OSBPL10: variants seen among roughly 807,000 people sequenced by gnomAD.
OSBPL10 encodes oxysterol-binding protein-related protein 10.
A neutral mutation model predicts 81.7 loss-of-function variants in OSBPL10; 49 were observed. The observed-to-expected ratio is 0.60, with a 90% confidence interval of 0.48 to 0.76. The LOEUF (loss-of-function observed/expected upper bound fraction) is 0.76, where lower values mean the gene tolerates loss of function less well. Among genes scored for constraint, OSBPL10 ranks in the 30% least tolerant of loss-of-function variants. OSBPL10 has a pLI of 0.00. For missense variants in OSBPL10, 923 were observed against 987.8 expected (o/e 0.93, Z 0.88); for synonymous variants, 419 against 383.6 (o/e 1.09, Z -1.08).
intron 1 of OSBPL10, among the ~76,000 whole-genome samples, chr3:31,904,252 G>A (rs1002685446): frequency 1.4e-4 from 21 of 152,114 alleles, no homozygotes; most frequent in African/African-American, 4.8e-4. Context: ...CTCCCAGACT[G>A]GCAGGAAACC....
At chr3:31,792,188 C>T (rs1329166992) in intron 4 of OSBPL10, among the ~76,000 whole-genome samples, 1 of 150,854 alleles carries the variant, frequency 6.6e-6, no homozygotes, top group Non-Finnish European at 1.5e-5. Context: ...GTAATCACAC[C>T]ACTGCACTCC....
chr3:32,055,103 A>G (rs1007040388), intron 1 of OSBPL10, among the ~76,000 whole-genome samples: 1 of 152,020 alleles, frequency 6.6e-6, no homozygotes, highest in Non-Finnish European at 1.5e-5. Context: ...AGAAGACTGA[A>G]ATAATCCTTT....
chr3:31,860,853 T>G lies in OSBPL10; in HGVS notation c.537+15580A>C, dbSNP rs201581664. Among the ~76,000 whole-genome samples the G allele has an allele frequency of 3.7e-3, 513 of 138,324 alleles. 5 individuals are homozygous for G. Among genetic ancestry groups the G allele is most frequent in the South Asian group, 0.021 (97 of 4,522 alleles). 90.7% of individuals were successfully genotyped at this position (138,324 alleles called of 152,430 possible). A position where few individuals can be genotyped will look rare whatever the true frequency, so the allele number is the denominator to read the frequency against. On this transcript the variant is annotated intron_variant, in intron 3 of 11. Transcript: ENST00000396556. ...CCTGGCTAATTTTTGTGGGGTTTTT[T>G]GGGGTTTTTTTTTTTGGGTTTTTTT...
intron 1 of OSBPL10, among the ~76,000 whole-genome samples, chr3:32,071,308 C>G (rs541772142): frequency 3.0e-4 from 45 of 152,310 alleles, no homozygotes; most frequent in African/African-American, 1.0e-3. Context: ...CCTTTGGATA[C>G]CTGGTTTTGC....
chr3:32,075,621 C>A (rs1200914406), intron 1 of OSBPL10, among the ~76,000 whole-genome samples: 1 of 152,162 alleles, frequency 6.6e-6, no homozygotes, highest in African/African-American at 2.4e-5. Flanking sequence ...TGAATCTTTC[C>A]CACTGTAGGT....
At chr3:31,740,194 C>T (rs574031821) in intron 5 of OSBPL10, among the ~76,000 whole-genome samples, 1 of 152,226 alleles carries the variant, frequency 6.6e-6, no homozygotes, top group South Asian at 2.1e-4. Context: ...CAGGTGCCCA[C>T]CACCATGCCC....
At chr3:31,949,667 C>CAAAAAAAAAAAAAAAAAAAAAAAAAAAAA (rs56002214) in intron 1 of OSBPL10, among the ~76,000 whole-genome samples, 1 of 26,230 alleles carries the variant, frequency 3.8e-5, no homozygotes, top group African/African-American at 1.7e-4. Context: ...GACTCTGTCT[C>CAAAAAAAAAAAAAAAAAAAAAAAAAAAAA]AAAAAAAAAA....
chr3:31,906,130 A>C, intron 1 of OSBPL10, among the ~76,000 whole-genome samples: 1 of 152,326 alleles, frequency 6.6e-6, no homozygotes, highest in Non-Finnish European at 1.5e-5. Context: ...AAGAACAAAC[A>C]AAGCAATCTA....
intron 1 of OSBPL10, among the ~76,000 whole-genome samples, chr3:31,905,895 GAAA>G: frequency 6.9e-6 from 1 of 144,468 alleles, no homozygotes; most frequent in South Asian, 2.2e-4. Flanking sequence ...CTCAAAGAAG[GAAA>G]AAAAAAAAAA....
chr3:31,863,267 G>A (rs1161863956), intron 3 of OSBPL10, among the ~76,000 whole-genome samples: 1 of 152,090 alleles, frequency 6.6e-6, no homozygotes, highest in East Asian at 1.9e-4. Context: ...AAGACAGGGT[G>A]GATAGAAATG....
chr3:31,824,285 T>G (rs748899506), intron 4 of OSBPL10, among the ~76,000 whole-genome samples: 1 of 152,134 alleles, frequency 6.6e-6, no homozygotes, highest in Non-Finnish European at 1.5e-5. Flanking sequence ...TGGGATCACC[T>G]TGACAGTTGC....
chr3:31,836,494 T>TC (rs1225821433), intron 3 of OSBPL10, among the ~76,000 whole-genome samples: 9 of 151,828 alleles, frequency 5.9e-5, no homozygotes, highest in East Asian at 1.9e-4. Context: ...TGCGCTTTTT[T>TC]CCCCCATCAT....
At chr3:31,887,413 C>A (rs1013352365) in intron 1 of OSBPL10, among the ~76,000 whole-genome samples, 3 of 152,178 alleles carry the variant, frequency 2.0e-5, no homozygotes, top group African/African-American at 7.2e-5. Flanking sequence ...CCCTTCTCAT[C>A]TCCAGAGATC....
At position 31,768,929 on chromosome 3, in the gene OSBPL10, C is replaced by T. The variant is rs146753377; in HGVS notation, c.730-20809G>A. Among the ~76,000 whole-genome samples, 1,258 of 152,250 alleles carry T rather than the reference C, an allele frequency of 8.3e-3. 16 individuals carry two copies. The highest frequency in any genetic ancestry group is 0.018 in the African/African-American group (762 of 41,542). ...GAAAAGTTAATCTGAAGAACAATGA[C>T]CATTTTTGCCCATTCCATTGCTGCC... On this transcript the variant is annotated intron_variant, in intron 4 of 11. Coordinates refer to ENST00000396556, the MANE Select transcript of OSBPL10 (RefSeq NM_017784.5).
intron 1 of OSBPL10, among the ~76,000 whole-genome samples, chr3:31,934,654 G>A (rs1014173496): frequency 1.3e-5 from 2 of 150,578 alleles, no homozygotes; most frequent in African/African-American, 2.5e-5. Flanking sequence ...TGATCCACCC[G>A]CCTCGGCCTC....
At chr3:31,978,867 A>G (rs182678849) in intron 1 of OSBPL10, among the ~76,000 whole-genome samples, 45 of 152,334 alleles carry the variant, frequency 3.0e-4, no homozygotes, top group Admixed American at 1.9e-3. Flanking sequence ...CTTGCCTCCA[A>G]TCTAAACACC....
chr3:31,959,080 C>G (rs950066732), intron 1 of OSBPL10, among the ~76,000 whole-genome samples: 1 of 152,254 alleles, frequency 6.6e-6, no homozygotes, highest in African/African-American at 2.4e-5. Flanking sequence ...TGGAGACGCA[C>G]GCAATGGAAT....
rs10591808 is a variant in OSBPL10 at position 31,833,705 on chromosome 3, G to GCACACACACACACACA, written c.538-3490_538-3475dup. The stretch of plus-strand genomic sequence containing the variant: ...GTAGGGAAAACACGCACACGCACAC[G>GCACACACACACACACA]CACACACACACACACACACACACAC... On this transcript the variant is annotated intron_variant, in intron 3 of 11. Transcript: ENST00000396556. Among the ~76,000 whole-genome samples, 11 of 138,040 alleles carry GCACACACACACACACA rather than the reference G, an allele frequency of 8.0e-5. No homozygotes were observed. In the East Asian group the frequency reaches 1.8e-3, roughly 22 times the overall value. The allele number at this position is 138,040 out of a possible 152,430, so 90.6% of individuals were successfully genotyped here.
At chr3:31,787,519 C>T (rs570198597) in intron 4 of OSBPL10, among the ~76,000 whole-genome samples, 169 of 151,482 alleles carry the variant, frequency 1.1e-3, no homozygotes, top group Non-Finnish European at 2.1e-3. Context: ...CGCTTGAACC[C>T]GGGAGCTGGA....
Sources: gnomAD v4.1 joint callset for allele counts (sites outside exome capture counted in the v4.1 genomes callset) on GRCh38, gnomAD v4.1.1 for gene constraint, MANE v1.5 for transcripts, NCBI Gene and HGNC (gene_info 2026-07-23, HGNC 2026-07-21) for gene names.